The following RELN variants were observed in gnomAD, a reference collection of about 807,000 sequenced individuals.
RELN encodes the protein reelin.
RELN carries 108 observed loss-of-function variants against 427.6 expected under a neutral mutation model. That is an observed-to-expected ratio of 0.25 (90% CI 0.22 to 0.30). The LOEUF (loss-of-function observed/expected upper bound fraction) is 0.30, where lower values mean the gene tolerates loss of function less well. Among genes scored for constraint, RELN ranks in the 10% least tolerant of loss-of-function variants. The pLI, the probability that RELN is intolerant of heterozygous loss-of-function variation, is 1.00. For missense variants in RELN, 3,715 were observed against 4,302.8 expected (o/e 0.86, Z 3.82); for synonymous variants, 1,524 against 1,513.4 (o/e 1.01, Z -0.16).
chr7:103,670,223 TA>T (rs1833360670), intron 11 of RELN, among the ~76,000 whole-genome samples: 1 of 152,114 alleles, frequency 6.6e-6, no homozygotes, highest in Non-Finnish European at 1.5e-5. Context: ...GCATTCTTGG[TA>T]GGGTAGCTTG....
intron 1 of RELN, among the ~76,000 whole-genome samples, chr7:103,944,348 G>T (rs931958714): frequency 6.6e-6 from 1 of 152,142 alleles, no homozygotes; most frequent in Non-Finnish European, 1.5e-5. Context: ...AGAGGAGGAA[G>T]AACACTCTGA....
chr7:103,776,698 T>C, intron 3 of RELN, 71 bp from the exon 4 acceptor site: 1 of 1,444,568 alleles, frequency 6.9e-7, no homozygotes, highest in Non-Finnish European at 9.7e-7. Context: ...TTTAAAACTT[T>C]TTAAAAAGCT....
chr7:103,766,228 G>C (rs964024249), intron 4 of RELN, among the ~76,000 whole-genome samples: 3 of 152,158 alleles, frequency 2.0e-5, no homozygotes, highest in Non-Finnish European at 2.9e-5. Flanking sequence ...TCATGAACAG[G>C]AGCTGTAACC....
At chr7:103,639,685 C>T (rs1004918613) in intron 17 of RELN, among the ~76,000 whole-genome samples, 5 of 152,200 alleles carry the variant, frequency 3.3e-5, no homozygotes, top group East Asian at 1.9e-4. Flanking sequence ...AGGCATGAGC[C>T]ACCATGCCCA....
chr7:103,495,742 C>T lies in RELN; in HGVS notation c.9350G>A (p.Gly3117Glu). The T allele has an allele frequency of 1.2e-6, 2 of 1,613,966 alleles. No individual in the cohort carries two copies. Among genetic ancestry groups the T allele is most frequent in the Non-Finnish European group, 1.7e-6 (2 of 1,179,970 alleles). The change falls in exon 57 of 65, where the codon GGA becomes GAA. Residue 3117 changes from glycine (G) to glutamate (E), a missense_variant. Transcript: ENST00000428762. The stretch of plus-strand genomic sequence containing the variant: ...CCTTACTTTAAACTGCATCATGTAT[C>T]CTGGCTGTATAATGAGTTCTCGGGA... ...LSSRELIIQP[G>E]YMMQFKIVVG...
At chr7:103,473,004 A>G in intron 64 of RELN, 96 bp from the exon 65 acceptor site, 1 of 1,031,692 alleles carries the variant, frequency 9.7e-7, no homozygotes. Context: ...GTCCTAAGTT[A>G]CTCTGATATT....
intron 9 of RELN, among the ~76,000 whole-genome samples, chr7:103,699,849 C>T (rs565377161): frequency 6.6e-6 from 1 of 152,094 alleles, no homozygotes; most frequent in South Asian, 2.1e-4. Context: ...TACATTTTGT[C>T]CTGACACAGA....
intron 2 of RELN, among the ~76,000 whole-genome samples, chr7:103,860,662 C>T (rs552108387): frequency 6.6e-5 from 10 of 152,198 alleles, no homozygotes; most frequent in Admixed American, 2.6e-4. Flanking sequence ...CCACCTGTCT[C>T]GGCCTCCCAA....
intron 3 of RELN, among the ~76,000 whole-genome samples, chr7:103,804,452 G>A (rs1025482304): frequency 6.6e-6 from 1 of 152,068 alleles, no homozygotes; most frequent in Non-Finnish European, 1.5e-5. Context: ...TACTATGCAG[G>A]TTCACAGCCT....
intron 1 of RELN, among the ~76,000 whole-genome samples, chr7:103,918,162 G>C (rs953602236): frequency 2.0e-5 from 3 of 152,058 alleles, no homozygotes; most frequent in African/African-American, 7.2e-5. Flanking sequence ...ATATTACAAA[G>C]CATAAAACAA....
chr7:103,566,090 T>G (rs546719711), intron 33 of RELN, 134 bp downstream of exon 33: 16 of 778,056 alleles, frequency 2.1e-5, no homozygotes, highest in South Asian at 2.0e-4. Context: ...TAAAACTTTT[T>G]TTTCACTGAG....
chr7:103,777,831 T>C (rs1036476604), intron 3 of RELN, among the ~76,000 whole-genome samples: 8 of 151,666 alleles, frequency 5.3e-5, no homozygotes, highest in Non-Finnish European at 7.4e-5. Flanking sequence ...GAAGTGTTAA[T>C]GGGTGATATC....
chr7:103,480,696 C>T (rs1828202831), intron 63 of RELN, among the ~76,000 whole-genome samples: 1 of 152,114 alleles, frequency 6.6e-6, no homozygotes, highest in African/African-American at 2.4e-5. Context: ...ATTAAAGAGA[C>T]TGCATTTGCT....
chr7:103,564,955 T>G (rs765148202), intron 34 of RELN, among the ~76,000 whole-genome samples: 40 of 152,316 alleles, frequency 2.6e-4, no homozygotes, highest in Admixed American at 1.6e-3. Flanking sequence ...TATGTGGTAA[T>G]TTCACATACT....
chr7:103,762,633 A>G lies in RELN; in HGVS notation c.545-9419T>C, dbSNP rs2116138679. On this transcript the variant is annotated intron_variant, in intron 4 of 64. Coordinates refer to ENST00000428762, the MANE Select transcript of RELN (RefSeq NM_005045.4). Reference sequence around the variant, plus strand: ...TGGCAGTTCCAAAAATGCTAGCTGAATGGATTCTGATAACATCAGCAAGCC... The same window carrying G: ...TGGCAGTTCCAAAAATGCTAGCTGAGTGGATTCTGATAACATCAGCAAGCC... Among the ~76,000 whole-genome samples the G allele has an allele frequency of 1.3e-5, 2 of 152,310 alleles. 1 individual carries two copies. Among genetic ancestry groups the G allele is most frequent in the Middle Eastern group, 6.8e-3 (2 of 294 alleles).
intron 2 of RELN, among the ~76,000 whole-genome samples, chr7:103,889,958 G>A (rs1468114733): frequency 6.6e-6 from 1 of 152,078 alleles, no homozygotes; most frequent in Admixed American, 6.5e-5. Flanking sequence ...GGAGTTCTCT[G>A]AACTCTGGCC....
At chr7:103,513,862 G>T (rs994241774) in intron 50 of RELN, 1 of 151,926 alleles carries the variant, frequency 6.6e-6, no homozygotes, top group Admixed American at 6.6e-5. Flanking sequence ...AGTTCTTTAA[G>T]AATATATGCC....
chr7:103,701,270 A>G (rs1834085448), intron 8 of RELN, among the ~76,000 whole-genome samples: 1 of 152,126 alleles, frequency 6.6e-6, no homozygotes, highest in African/African-American at 2.4e-5. Context: ...ATTAAATTGT[A>G]AAACAAATAC....
chr7:103,648,020 C>T (rs1037063641), intron 16 of RELN, among the ~76,000 whole-genome samples: 1 of 151,880 alleles, frequency 6.6e-6, no homozygotes, highest in Admixed American at 6.6e-5. Context: ...TGAAACTGGA[C>T]CCATATCTCT....
Sources: gnomAD v4.1 joint callset for allele counts (sites outside exome capture counted in the v4.1 genomes callset) on GRCh38, gnomAD v4.1.1 for gene constraint, MANE v1.5 for transcripts, NCBI Gene and HGNC (gene_info 2026-07-23, HGNC 2026-07-21) for gene names.